SLC39A11: variants seen among roughly 807,000 people sequenced by gnomAD.
SLC39A11 encodes solute carrier family 39 member 11.
In SLC39A11, 33 loss-of-function variants were observed where a neutral mutation model predicts 36.1. That is an observed-to-expected ratio of 0.91 (90% CI 0.69 to 1.22). The LOEUF is 1.22. SLC39A11 is among the 50% of genes most tolerant of loss of function. SLC39A11 has a pLI of 0.00. For synonymous variants in SLC39A11, 166 were observed against 170.3 expected (o/e 0.97, Z 0.20); for missense variants, 432 against 430.3 (o/e 1.00, Z -0.03).
At chr17:72,814,355 C>T (rs775131169) in intron 6 of SLC39A11, among the ~76,000 whole-genome samples, 8 of 152,152 alleles carry the variant, frequency 5.3e-5, no homozygotes, top group Admixed American at 2.0e-4. Context: ...CCATGGAAGG[C>T]GGAGAGACAA....
intron 4 of SLC39A11, among the ~76,000 whole-genome samples, chr17:73,026,233 A>G (rs923265212): frequency 6.6e-6 from 1 of 150,480 alleles, no homozygotes; most frequent in Non-Finnish European, 1.5e-5. Flanking sequence ...AGAGAAGAGA[A>G]AAGGGAAAAG....
At chr17:72,670,555 C>T (rs556285219) in intron 7 of SLC39A11, among the ~76,000 whole-genome samples, 2 of 152,248 alleles carry the variant, frequency 1.3e-5, no homozygotes, top group African/African-American at 2.4e-5. Context: ...TGTTTCATCT[C>T]TTCCATTTAA....
At chr17:72,803,739 C>T (rs1260257853) in intron 6 of SLC39A11, among the ~76,000 whole-genome samples, 2 of 152,100 alleles carry the variant, frequency 1.3e-5, no homozygotes, top group Non-Finnish European at 2.9e-5. Context: ...GATCAGTATT[C>T]GGCAGAATAA....
intron 6 of SLC39A11, among the ~76,000 whole-genome samples, chr17:72,746,008 C>T (rs879319309): frequency 5.9e-5 from 9 of 152,028 alleles, no homozygotes; most frequent in Admixed American, 6.6e-5. Flanking sequence ...TACAGTTAGA[C>T]GGATTTAGGC....
chr17:72,769,800 C>A (rs1459484870), intron 6 of SLC39A11, among the ~76,000 whole-genome samples: 2 of 152,166 alleles, frequency 1.3e-5, no homozygotes, highest in African/African-American at 4.8e-5. Context: ...GCCTCGGCCT[C>A]CCAAAGTGCT....
rs372504614 is a variant in SLC39A11 at position 72,904,970 on chromosome 17, G to T, written c.430+42782C>A. On this transcript the variant is annotated intron_variant, in intron 5 of 9. Coordinates refer to ENST00000255559, the MANE Select transcript of SLC39A11 (RefSeq NM_139177.4). Reference sequence around the variant, plus strand: ...AGGCGGATCACGAGGTCAGGAGATCGAGACCATCCTGGCGAACATGGTGAA... The same window carrying T: ...AGGCGGATCACGAGGTCAGGAGATCTAGACCATCCTGGCGAACATGGTGAA... Among the ~76,000 whole-genome samples, 10 of 150,324 alleles carry T rather than the reference G, an allele frequency of 6.7e-5. 1 individual carries two copies. The highest frequency in any genetic ancestry group is 2.4e-4 in the African/African-American group (10 of 40,938).
chr17:72,738,850 T>C (rs2074546799), intron 6 of SLC39A11, among the ~76,000 whole-genome samples: 1 of 152,164 alleles, frequency 6.6e-6, no homozygotes, highest in Non-Finnish European at 1.5e-5. Flanking sequence ...GTGTCCTGTC[T>C]GTTTGAAGTG....
Position 72,782,504 on chromosome 17 carries a change from CAG to C in SLC39A11, c.602-45787_602-45786del, listed in dbSNP as rs201216285. 9.2e-3 allele frequency among the ~76,000 whole-genome samples: 1,399 copies of C among 151,998 alleles called. 21 individuals carry two copies. Among genetic ancestry groups the C allele is most frequent in the African/African-American group, 0.032 (1,327 of 41,400 alleles). Reference sequence around the variant, plus strand: ...TGAAGTTTGAGATCAGCCTGGCTAACAGGGCAAAATCCTGTCTCTACTGAAAA... The same window carrying C: ...TGAAGTTTGAGATCAGCCTGGCTAACGGCAAAATCCTGTCTCTACTGAAAA... On this transcript the variant is annotated intron_variant, in intron 6 of 9. Coordinates refer to ENST00000255559, the MANE Select transcript of SLC39A11 (RefSeq NM_139177.4).
At chr17:73,030,960 A>C (rs991392954) in intron 4 of SLC39A11, among the ~76,000 whole-genome samples, 1 of 152,222 alleles carries the variant, frequency 6.6e-6, no homozygotes, top group Non-Finnish European at 1.5e-5. Flanking sequence ...TCTCTGGCTT[A>C]TCCCCAATTC....
At chr17:73,047,608 A>G (rs961529202) in intron 3 of SLC39A11, among the ~76,000 whole-genome samples, 2 of 152,106 alleles carry the variant, frequency 1.3e-5, no homozygotes, top group African/African-American at 4.8e-5. Context: ...GAACAAGGTC[A>G]CAGAATTAGT....
chr17:72,812,895 G>C (rs1166411997), intron 6 of SLC39A11, among the ~76,000 whole-genome samples: 1 of 151,780 alleles, frequency 6.6e-6, no homozygotes, highest in African/African-American at 2.4e-5. Context: ...GCTTTTCTTT[G>C]AGAAATTCCC....
intron 6 of SLC39A11, among the ~76,000 whole-genome samples, chr17:72,803,420 G>A (rs1291616404): frequency 3.3e-5 from 5 of 152,240 alleles, no homozygotes; most frequent in African/African-American, 4.8e-5. Context: ...GTGGTTCAAA[G>A]GCATGAAATG....
At chr17:72,940,727 A>G (rs2147602327) in intron 5 of SLC39A11, among the ~76,000 whole-genome samples, 1 of 152,318 alleles carries the variant, frequency 6.6e-6, no homozygotes, top group African/African-American at 2.4e-5. Flanking sequence ...AGGCAGAAAC[A>G]AAGAGAACTC....
At chr17:72,817,262 A>G (rs2077612185) in intron 6 of SLC39A11, among the ~76,000 whole-genome samples, 1 of 141,532 alleles carries the variant, frequency 7.1e-6, no homozygotes, top group African/African-American at 2.6e-5. Flanking sequence ...GCATGTGCAG[A>G]GGTCAATGGC....
intron 6 of SLC39A11, among the ~76,000 whole-genome samples, chr17:72,758,356 T>G (rs982130304): frequency 6.6e-6 from 1 of 152,226 alleles, no homozygotes; most frequent in African/African-American, 2.4e-5. Context: ...TAGCTACATG[T>G]GGCATGCTCT....
At chr17:72,858,884 G>T (rs1234759122) in intron 5 of SLC39A11, among the ~76,000 whole-genome samples, 1 of 152,206 alleles carries the variant, frequency 6.6e-6, no homozygotes, top group Non-Finnish European at 1.5e-5. Flanking sequence ...ATCAGCTAAA[G>T]AAGCTTTTAG....
chr17:72,849,828 G>C, intron 5 of SLC39A11, 24 bp from the exon 6 acceptor site: 1 of 1,505,204 alleles, frequency 6.6e-7, no homozygotes. Flanking sequence ...AAAAAAAAGA[G>C]AGATGGGGAA....
chr17:73,033,742 T>TA (rs2058814683), intron 3 of SLC39A11, among the ~76,000 whole-genome samples: 1 of 152,198 alleles, frequency 6.6e-6, no homozygotes, highest in Non-Finnish European at 1.5e-5. Context: ...TTCTAAAAAT[T>TA]ACTTAATTAT....
At chr17:72,907,139 C>G (rs1336417091) in intron 5 of SLC39A11, among the ~76,000 whole-genome samples, 1 of 152,218 alleles carries the variant, frequency 6.6e-6, no homozygotes, top group African/African-American at 2.4e-5. Context: ...GCGAGTCCCT[C>G]CTGCTCATAT....
Sources: gnomAD v4.1 joint callset for allele counts (sites outside exome capture counted in the v4.1 genomes callset) on GRCh38, gnomAD v4.1.1 for gene constraint, MANE v1.5 for transcripts, NCBI Gene and HGNC (gene_info 2026-07-23, HGNC 2026-07-21) for gene names.